Variants in COL4A6 observed in about 807,000 individuals in gnomAD.
COL4A6 encodes the protein collagen alpha-6(IV) chain.
In COL4A6, 59 loss-of-function variants were observed where a neutral mutation model predicts 126.7. The ratio of observed to expected loss-of-function variants is 0.47; its 90% CI spans 0.38 to 0.58. The LOEUF is 0.58. Ranked by LOEUF, COL4A6 falls within the 20% of genes least tolerant of loss-of-function variation. The pLI is 0.00. For synonymous variants in COL4A6, 547 were observed against 496.6 expected (o/e 1.10, Z -1.35); for missense variants, 1,285 against 1,337.3 (o/e 0.96, Z 0.61).
intron 2 of COL4A6, among the ~76,000 whole-genome samples, chrX:108,425,021 A>G (rs903725962): frequency 7.2e-5 from 8 of 111,313 alleles, no homozygotes; most frequent in Non-Finnish European, 1.5e-4. Context: ...CAAAAAACCC[A>G]TAAGTAAAAT....
chrX:108,384,268 C>T (rs1216715261), intron 2 of COL4A6, among the ~76,000 whole-genome samples: 1 of 112,014 alleles, frequency 8.9e-6, no homozygotes, highest in African/African-American at 3.2e-5. Flanking sequence ...TTGATCTTCT[C>T]ATCCATCCAT....
At chrX:108,231,214 A>G (rs1187862533) in intron 3 of COL4A6, among the ~76,000 whole-genome samples, 1 of 112,043 alleles carries the variant, frequency 8.9e-6, no homozygotes, top group Admixed American at 9.5e-5. Flanking sequence ...ATGGAATCAC[A>G]TTTCTTTTCT....
intron 23 of COL4A6, among the ~76,000 whole-genome samples, chrX:108,181,863 T>C (rs902680245): frequency 8.9e-6 from 1 of 112,300 alleles, no homozygotes; most frequent in Non-Finnish European, 1.9e-5. Flanking sequence ...GCCTTGCCTA[T>C]TCATTAAAAC....
At chrX:108,208,127 A>G (rs988813460) in intron 8 of COL4A6, among the ~76,000 whole-genome samples, 2 of 112,503 alleles carry the variant, frequency 1.8e-5, no homozygotes, top group Non-Finnish European at 3.8e-5. Context: ...TCAAGAAGAC[A>G]TAACAATCTT....
At chrX:108,161,100 C>A (rs1186032129) in intron 42 of COL4A6, among the ~76,000 whole-genome samples, 1 of 112,047 alleles carries the variant, frequency 8.9e-6, no homozygotes. Context: ...TTGCCCTCCT[C>A]TCCTGCCCAT....
intron 3 of COL4A6, among the ~76,000 whole-genome samples, chrX:108,235,137 A>C (rs140368588): frequency 1.8e-5 from 2 of 111,587 alleles, no homozygotes; most frequent in East Asian, 5.7e-4. Context: ...AGGTCTGGGC[A>C]CTGGCAAATA....
Position 108,304,094 on chromosome X carries a change from A to C in COL4A6, c.144+6654T>G, listed in dbSNP as rs73524850. ...GGAAAGCACCAAACCAAAGTCATCCAGTTGGCAAAGCTCACGCATGACACT... is the reference window on the plus strand; with the variant it reads ...GGAAAGCACCAAACCAAAGTCATCCCGTTGGCAAAGCTCACGCATGACACT... On this transcript the variant is annotated intron_variant, in intron 3 of 44. Coordinates refer to ENST00000334504, the MANE Select transcript of COL4A6 (RefSeq NM_033641.4). Among the ~76,000 whole-genome samples the C allele has an allele frequency of 5.0e-3, 556 of 111,631 alleles. 7 individuals carry two copies. Among genetic ancestry groups the C allele is most frequent in the African/African-American group, 0.017 (530 of 30,734 alleles).
chrX:108,408,728 G>A (rs1227986309), intron 2 of COL4A6, among the ~76,000 whole-genome samples: 2 of 111,863 alleles, frequency 1.8e-5, no homozygotes, highest in African/African-American at 6.5e-5. Flanking sequence ...TTGGGAGGCT[G>A]AGATGGGTGG....
intron 7 of COL4A6, 97 bp downstream of exon 7, chrX:108,211,575 A>T: frequency 1.3e-6 from 1 of 768,711 alleles, no homozygotes; most frequent in African/African-American, 2.1e-5. Flanking sequence ...ATAGAGACAC[A>T]GATGCTAGTT....
At chrX:108,308,174 T>G (rs1043228215) in intron 3 of COL4A6, among the ~76,000 whole-genome samples, 5 of 111,758 alleles carry the variant, frequency 4.5e-5, no homozygotes, top group Non-Finnish European at 9.4e-5. Context: ...AGACTAAGGC[T>G]CCAGATGTTT....
At chrX:108,272,960 G>T (rs2147769915) in intron 3 of COL4A6, among the ~76,000 whole-genome samples, 1 of 109,132 alleles carries the variant, frequency 9.2e-6, no homozygotes, top group South Asian at 4.0e-4. Context: ...TATACTTTAA[G>T]TTCTAGGGTA....
chrX:108,436,792 A>T, intron 2 of COL4A6, among the ~76,000 whole-genome samples: 1 of 112,204 alleles, frequency 8.9e-6, no homozygotes, highest in South Asian at 3.7e-4. Flanking sequence ...CAAGAAAAAT[A>T]GCTTCACTCT....
chrX:108,438,429 A>G, upstream of COL4A6: 1 of 1,014,687 alleles, frequency 9.9e-7, no homozygotes. Flanking sequence ...AGATAGTTCC[A>G]TGCAGCAGGA....
In COL4A6 at chrX:108,179,198, T is replaced by A; in HGVS notation, c.2353+19A>T. ...AGGCTTTCTGTAGATTGTTAAATAA[T>A]TGGGGCAAAAAGATTCACCCTTGAG... On this transcript the variant is annotated intron_variant, in intron 26 of 44. Coordinates refer to ENST00000334504, the MANE Select transcript of COL4A6 (RefSeq NM_033641.4). 1.7e-6 allele frequency: 2 copies of A among 1,183,042 alleles called. No homozygotes were observed. The highest frequency in any genetic ancestry group is 2.3e-6 in the Non-Finnish European group (2 of 871,852).
At chrX:108,252,510 A>T (rs2036875356) in intron 3 of COL4A6, among the ~76,000 whole-genome samples, 2 of 111,656 alleles carry the variant, frequency 1.8e-5, no homozygotes, top group Non-Finnish European at 3.8e-5. Context: ...CAGTAGTAAG[A>T]TTGTGATAAA....
chrX:108,228,134 T>A (rs2036219313), intron 3 of COL4A6, among the ~76,000 whole-genome samples: 1 of 111,911 alleles, frequency 8.9e-6, no homozygotes, highest in Admixed American at 9.4e-5. Context: ...ATGGTCTACA[T>A]CTAATGTAGT....
chrX:108,237,333 G>A (rs944740058), intron 3 of COL4A6, among the ~76,000 whole-genome samples: 1 of 111,275 alleles, frequency 9.0e-6, no homozygotes, highest in South Asian at 3.9e-4. Context: ...GCCCTTCACC[G>A]TTCAACTCCC....
intron 44 of COL4A6, among the ~76,000 whole-genome samples, chrX:108,158,850 T>G (rs956274044): frequency 8.9e-6 from 1 of 112,276 alleles, no homozygotes; most frequent in Non-Finnish European, 1.9e-5. Context: ...TCCCCAGGTA[T>G]TCACAGGATA....
chrX:108,253,933 T>C (rs1047480852), intron 3 of COL4A6, among the ~76,000 whole-genome samples: 6 of 111,700 alleles, frequency 5.4e-5, no homozygotes, highest in African/African-American at 1.3e-4. Context: ...TCTTGGAGAA[T>C]AGACCGTGCA....
Sources: gnomAD v4.1 joint callset for allele counts (sites outside exome capture counted in the v4.1 genomes callset) on GRCh38, gnomAD v4.1.1 for gene constraint, MANE v1.5 for transcripts, NCBI Gene and HGNC (gene_info 2026-07-23, HGNC 2026-07-21) for gene names.